Variants in TASP1 observed in about 807,000 individuals in gnomAD.
The protein encoded by TASP1 is threonine aspartase 1.
Under a neutral mutation model 56.6 loss-of-function variants are expected in TASP1, and 16 were observed. The ratio of observed to expected loss-of-function variants is 0.28; its 90% CI spans 0.19 to 0.43. The LOEUF (loss-of-function observed/expected upper bound fraction) is 0.43. Ranked by LOEUF, TASP1 falls within the 20% of genes least tolerant of loss-of-function variation. TASP1 has a pLI of 1.00. For synonymous variants in TASP1, 179 were observed against 184.2 expected (o/e 0.97, Z 0.23); for missense variants, 393 against 511.6 (o/e 0.77, Z 2.24).
At chr20:13,513,379 G>A (rs561355982) in intron 10 of TASP1, among the ~76,000 whole-genome samples, 1 of 146,606 alleles carries the variant, frequency 6.8e-6, no homozygotes, top group Non-Finnish European at 1.5e-5. Context: ...AATCTTTGAA[G>A]TTGGGCATGG....
At chr20:13,287,718 A>C in the TASP1 span, among the ~76,000 whole-genome samples, 14,330 of 152,316 alleles carry the variant, frequency 0.094, 867 homozygotes, top group Non-Finnish European at 0.13. Context: ...ACATACAAAA[A>C]GGGTTCAATA....
At chr20:13,202,715 A>G in the TASP1 span, among the ~76,000 whole-genome samples, 2 of 152,218 alleles carry the variant, frequency 1.3e-5, no homozygotes, top group African/African-American at 4.8e-5. Context: ...ATTTATGGAT[A>G]GAAAGAGGAA....
the TASP1 span, among the ~76,000 whole-genome samples, chr20:13,234,581 A>G: frequency 6.6e-6 from 1 of 152,204 alleles, no homozygotes; most frequent in Non-Finnish European, 1.5e-5. Flanking sequence ...ACAGTGTATA[A>G]GTGTGCCCTT....
chr20:13,475,705 G>A (rs1045639243), intron 11 of TASP1, among the ~76,000 whole-genome samples: 3 of 151,982 alleles, frequency 2.0e-5, no homozygotes, highest in African/African-American at 7.3e-5. Context: ...GACCAGCCTG[G>A]CCAACATGGT....
At chr20:13,310,033 T>C in the TASP1 span, among the ~76,000 whole-genome samples, 7 of 152,110 alleles carry the variant, frequency 4.6e-5, no homozygotes, top group Non-Finnish European at 1.0e-4. Flanking sequence ...ATCTACAAAT[T>C]CGATGCAATC....
chr20:13,636,718 T>C (rs1054900109), intron 1 of TASP1, among the ~76,000 whole-genome samples: 2 of 152,098 alleles, frequency 1.3e-5, no homozygotes, highest in Non-Finnish European at 2.9e-5. Flanking sequence ...TACACTTTTA[T>C]GATCAACTGA....
At chr20:13,344,619 A>G in the TASP1 span, among the ~76,000 whole-genome samples, 1 of 152,156 alleles carries the variant, frequency 6.6e-6, no homozygotes, top group Non-Finnish European at 1.5e-5. Flanking sequence ...ATTTGATAAC[A>G]TCCTATCTCC....
At chr20:13,171,540 T>C in the TASP1 span, among the ~76,000 whole-genome samples, 2 of 152,192 alleles carry the variant, frequency 1.3e-5, no homozygotes, top group South Asian at 2.1e-4. Flanking sequence ...ATACAGTCAA[T>C]GTAACAGGTA....
the TASP1 span, among the ~76,000 whole-genome samples, chr20:13,326,809 A>G: frequency 6.6e-6 from 1 of 152,292 alleles, no homozygotes; most frequent in Admixed American, 6.5e-5. Context: ...GCTGAAACAT[A>G]CCTCAAAATA....
At chr20:13,118,993 G>A in the TASP1 span, among the ~76,000 whole-genome samples, 1 of 152,180 alleles carries the variant, frequency 6.6e-6, no homozygotes, top group African/African-American at 2.4e-5. Flanking sequence ...CTGGCCTGTG[G>A]GAATCAGCTG....
the TASP1 span, among the ~76,000 whole-genome samples, chr20:13,291,289 G>A: frequency 1.3e-5 from 2 of 152,128 alleles, no homozygotes; most frequent in African/African-American, 4.8e-5. Flanking sequence ...GGGCTCCCTT[G>A]TAACATGAAG....
At chr20:13,244,283 C>T in the TASP1 span, 1 of 149,888 alleles carries the variant, frequency 6.7e-6, no homozygotes, top group Non-Finnish European at 1.5e-5. Flanking sequence ...GACTGGTTTT[C>T]ATGTGGGCAG....
chr20:13,605,736 C>T (rs966567433), intron 4 of TASP1, among the ~76,000 whole-genome samples: 10 of 151,978 alleles, frequency 6.6e-5, no homozygotes, highest in Admixed American at 2.0e-4. Context: ...ACTTTTTAAG[C>T]GGTCATCTGA....
chr20:13,628,945 A>G (rs1041979457), intron 2 of TASP1, among the ~76,000 whole-genome samples: 2 of 152,168 alleles, frequency 1.3e-5, no homozygotes, highest in Non-Finnish European at 2.9e-5. Flanking sequence ...CACAGCATCA[A>G]AAGCACTAGA....
chr20:13,635,562 A>AT (rs1158267030), intron 1 of TASP1, among the ~76,000 whole-genome samples: 1 of 151,796 alleles, frequency 6.6e-6, no homozygotes, highest in Non-Finnish European at 1.5e-5. Context: ...TAATTTTTGT[A>AT]TTTTTAGTAG....
chr20:13,493,109 C>A (rs527428040), intron 10 of TASP1, among the ~76,000 whole-genome samples: 1 of 151,932 alleles, frequency 6.6e-6, no homozygotes, highest in Non-Finnish European at 1.5e-5. Context: ...GTTTTATGAA[C>A]GCAAATACTT....
the TASP1 span, among the ~76,000 whole-genome samples, chr20:13,138,766 G>C: frequency 1.3e-5 from 2 of 152,134 alleles, no homozygotes; most frequent in African/African-American, 2.4e-5. Context: ...ATAAATGCAT[G>C]GTTTTATATA....
At chr20:13,263,644 A>T in the TASP1 span, among the ~76,000 whole-genome samples, 2 of 152,224 alleles carry the variant, frequency 1.3e-5, no homozygotes, top group Non-Finnish European at 2.9e-5. Flanking sequence ...TGCTCGGCAC[A>T]GATAAAGCCC....
intron 4 of TASP1, among the ~76,000 whole-genome samples, chr20:13,601,911 C>T (rs1405579163): frequency 1.1e-4 from 13 of 119,320 alleles, no homozygotes; most frequent in Admixed American, 9.7e-4. Flanking sequence ...GAGTCTCGCT[C>T]AGTTGCCCAG....
Sources: gnomAD v4.1 joint callset for allele counts (sites outside exome capture counted in the v4.1 genomes callset) on GRCh38, gnomAD v4.1.1 for gene constraint, MANE v1.5 for transcripts, NCBI Gene and HGNC (gene_info 2026-07-23, HGNC 2026-07-21) for gene names.